The following SERPINA9 variants were observed in gnomAD, a reference collection of about 807,000 sequenced individuals.
The protein encoded by SERPINA9 is serpin A9.
SERPINA9 carries 32 observed loss-of-function variants against 24.5 expected under a neutral mutation model. That is an observed-to-expected ratio of 1.30 (90% CI 0.98 to 1.75). SERPINA9 has a LOEUF of 1.75. SERPINA9 is among the 40% of genes most tolerant of loss of function. The probability of loss-of-function intolerance (pLI) is 0.00; values close to 1 mark genes in which losing one functional copy is unlikely to be tolerated. For synonymous variants in SERPINA9, 233 were observed against 197.7 expected, an observed-to-expected ratio of 1.18 and a Z score of -1.50; for missense variants, 594 against 497.1, an observed-to-expected ratio of 1.19 and a Z score of -1.85.
At chr14:94,472,959 G>C (rs1423142549) in intron 1 of SERPINA9, among the ~76,000 whole-genome samples, 3 of 152,192 alleles carry the variant, frequency 2.0e-5, no homozygotes, top group Non-Finnish European at 2.9e-5. Flanking sequence ...GGGAGCAGGA[G>C]AGACCAGCTG....
chr14:94,467,060 T>A (rs768318863), intron 3 of SERPINA9, 49 bp downstream of exon 3: 34 of 1,574,818 alleles, frequency 2.2e-5, no homozygotes, highest in Middle Eastern at 2.1e-4. Flanking sequence ...CATCTTTGAA[T>A]GTGTGCATCC....
intron 1 of SERPINA9, among the ~76,000 whole-genome samples, chr14:94,475,030 A>C (rs1319274156): frequency 6.6e-6 from 1 of 152,030 alleles, no homozygotes; most frequent in Non-Finnish European, 1.5e-5. Context: ...AGCTGTTTGC[A>C]TTCCTCAATT....
rs895101127 is a variant in SERPINA9, at chr14:94,462,811, C to T, written c.*282G>A. On this transcript the variant is annotated 3_prime_UTR_variant, in exon 5 of 5. Transcript: ENST00000674397. The stretch of plus-strand genomic sequence containing the variant: ...TAACCTGGGTTGGCGTATTTCCATT[C>T]CTGGGAGCCCCAAGGAATGGAAATA... 53 of 408,740 alleles carry T rather than the reference C, an allele frequency of 1.3e-4. No homozygotes were observed. Among genetic ancestry groups the T allele is most frequent in the Non-Finnish European group, 4.5e-5 (10 of 221,282 alleles). 25.3% of individuals were successfully genotyped at this position (408,740 alleles called of 1,614,324 possible). A position where few individuals can be genotyped will look rare whatever the true frequency, so the allele number is the denominator to read the frequency against.
At chr14:94,469,182 A>G (rs1899165887) in intron 2 of SERPINA9, 31 bp downstream of exon 2, 5 of 1,572,524 alleles carry the variant, frequency 3.2e-6, no homozygotes, top group Non-Finnish European at 4.3e-6. Context: ...CATAAAATAA[A>G]TAAATAAAAA....
intron 1 of SERPINA9, among the ~76,000 whole-genome samples, chr14:94,470,907 G>T (rs947090772): frequency 2.4e-4 from 36 of 152,114 alleles, no homozygotes; most frequent in African/African-American, 8.5e-4. Flanking sequence ...CCAACCCTGT[G>T]CGTTGACCCT....
intron 1 of SERPINA9, among the ~76,000 whole-genome samples, chr14:94,473,149 G>A (rs573430475): frequency 6.6e-6 from 1 of 152,284 alleles, no homozygotes; most frequent in South Asian, 2.1e-4. Flanking sequence ...TCCCCCACCA[G>A]CACGGAAAAG....
rs1899056959 is a variant in SERPINA9 at position 94,467,347 on chromosome 14, T to A, written c.664A>T (p.Arg222Ter). The A allele has an allele frequency of 6.2e-7, 1 of 1,613,528 alleles. No individual in the cohort carries two copies. The highest frequency in any genetic ancestry group is 1.3e-5 in the African/African-American group (1 of 75,056). The change falls in exon 3 of 5, where the codon AGA (arginine) becomes TGA (stop). Residue 222 changes from arginine (R) to a stop codon, truncating the protein, a stop_gained. Transcript: ENST00000674397. LOFTEE classifies it high-confidence loss of function. ...CCCACCAGGAATGGGAAGTTCTTTCTTGTATATTCAGGGTGAAAGGGCTTC... is the reference window on the plus strand; with the variant it reads ...CCCACCAGGAATGGGAAGTTCTTTCATGTATATTCAGGGTGAAAGGGCTTC... ...WEKPFHPEYTRKNFPFLVGEQ... is the reference protein window; with the variant it reads ...WEKPFHPEYT
intron 4 of SERPINA9, among the ~76,000 whole-genome samples, chr14:94,463,592 G>A (rs1042434025): frequency 2.0e-5 from 3 of 152,178 alleles, no homozygotes; most frequent in Non-Finnish European, 2.9e-5. Flanking sequence ...TCAGGTTCCC[G>A]ATCTATAAAA....
intron 1 of SERPINA9, among the ~76,000 whole-genome samples, chr14:94,472,083 T>C (rs2139817783): frequency 6.6e-6 from 1 of 152,164 alleles, no homozygotes; most frequent in African/African-American, 2.4e-5. Context: ...ATAGCCAGGG[T>C]CCTGGCTCTT....
At chr14:94,475,861 A>C in intron 1 of SERPINA9, 2 of 510,070 alleles carry the variant, frequency 3.9e-6, no homozygotes, top group South Asian at 3.4e-5. Context: ...CCCTATTTCA[A>C]TACTCCTCCC....
intron 1 of SERPINA9, among the ~76,000 whole-genome samples, chr14:94,473,940 T>C (rs1371657987): frequency 1.3e-5 from 2 of 152,258 alleles, no homozygotes; most frequent in African/African-American, 4.8e-5. Flanking sequence ...CGAGACAACG[T>C]CTGCAGAACG....
Position 94,469,235 on chromosome 14 carries a change from C to T in SERPINA9, c.606G>A (p.Leu202=), listed in dbSNP as rs202049359. ...QGLDLLTAMV[L]VNHIFFKAKW... ...TACCTTTAAAGAAAATGTGGTTCAC[C>T]AGAACCATGGCCGTCAGAAGGTCAA... Residue 202 remains leucine (L), a synonymous_variant, in exon 2 of 5, where the codon CTG becomes CTA. Transcript: ENST00000674397. 28 of 1,613,210 alleles carry T rather than the reference C, an allele frequency of 1.7e-5. No individual in the cohort carries two copies. In the East Asian group the frequency reaches 5.3e-4, roughly 31 times the overall value.
intron 2 of SERPINA9, among the ~76,000 whole-genome samples, chr14:94,468,182 C>G (rs1043878361): frequency 6.6e-6 from 1 of 151,490 alleles, no homozygotes; most frequent in African/African-American, 2.4e-5. Context: ...GGTTGGCTAG[C>G]TAGGTGGATG....
chr14:94,474,818 T>A (rs1341838932), intron 1 of SERPINA9, among the ~76,000 whole-genome samples: 6 of 152,016 alleles, frequency 3.9e-5, no homozygotes, highest in African/African-American at 1.4e-4. Flanking sequence ...CCATTGTCTC[T>A]CACTCACTCC....
At position 94,469,644 on chromosome 14, in the gene SERPINA9, T is replaced by C; in HGVS notation, c.197A>G (p.Gln66Arg). ...ACTCACAGGGGAGAAGAAGATGTTC[T>C]GACTCGGGGTCTCCAAAACCAGCCT... ...YRRLVLETPS[Q>R]NIFFSPVSVS... Residue 66 changes from glutamine (Q) to arginine (R), a missense_variant, in exon 2 of 5, where the codon CAG becomes CGG. Coordinates refer to ENST00000674397, the MANE Select transcript of SERPINA9 (RefSeq NM_175739.4). 6.2e-7 allele frequency: 1 copy of C among 1,614,064 alleles called. No homozygotes were observed. Among genetic ancestry groups the C allele is most frequent in the Non-Finnish European group, 8.5e-7 (1 of 1,180,002 alleles).
chr14:94,467,812 A>C (rs1302081555), intron 2 of SERPINA9, among the ~76,000 whole-genome samples: 1 of 149,350 alleles, frequency 6.7e-6, no homozygotes, highest in African/African-American at 2.5e-5. Flanking sequence ...TTAATGGATG[A>C]ATGGATGGAT....
chr14:94,469,210 T>A lies in SERPINA9; in HGVS notation c.628+3A>T. The A allele has an allele frequency of 6.2e-7, 1 of 1,604,700 alleles. No individual in the cohort carries two copies. Among genetic ancestry groups the A allele is most frequent in the East Asian group, 2.2e-5 (1 of 44,794 alleles). ...AATAAAAATCAACTTCTCAAATCCT[T>A]ACCTTTAAAGAAAATGTGGTTCACC... On this transcript the variant is annotated splice_donor_region_variant and intron_variant, in intron 2 of 4. Transcript: ENST00000674397.
Position 94,467,303 on chromosome 14 carries a change from A to G in SERPINA9, c.708T>C (p.His236=). Residue 236 remains histidine (H), a synonymous_variant, in exon 3 of 5, where the codon CAT becomes CAC. Coordinates refer to ENST00000674397, the MANE Select transcript of SERPINA9 (RefSeq NM_175739.4). ...PFLVGEQVTV[H]VPMMHQKEQF... Reference sequence around the variant, plus strand: ...GCTCTTTCTGGTGCATCATGGGGACATGCACAGTGACCTGCTCGCCCACCA... The same window carrying G: ...GCTCTTTCTGGTGCATCATGGGGACGTGCACAGTGACCTGCTCGCCCACCA... 1 of 1,614,076 alleles carries G rather than the reference A, an allele frequency of 6.2e-7. No individual in the cohort carries two copies. Among genetic ancestry groups the G allele is most frequent in the Non-Finnish European group, 8.5e-7 (1 of 1,179,982 alleles).
chr14:94,469,900 C>A, intron 1 of SERPINA9, 43 bp from the exon 2 acceptor site: 1 of 1,469,126 alleles, frequency 6.8e-7, no homozygotes, highest in South Asian at 1.5e-5. Flanking sequence ...AACTGAGGGT[C>A]CAGGCCCTGA....
Sources: gnomAD v4.1 joint callset for allele counts (sites outside exome capture counted in the v4.1 genomes callset) on GRCh38, gnomAD v4.1.1 for gene constraint, MANE v1.5 for transcripts, NCBI Gene and HGNC (gene_info 2026-07-23, HGNC 2026-07-21) for gene names.